Variants in DCLK1 observed in about 807,000 individuals in gnomAD.
DCLK1 encodes doublecortin like kinase 1, also known as serine/threonine-protein kinase DCLK1.
DCLK1 carries 16 observed loss-of-function variants against 86.2 expected under a neutral mutation model. The ratio of observed to expected loss-of-function variants is 0.19; its 90% confidence interval spans 0.13 to 0.28. The LOEUF (loss-of-function observed/expected upper bound fraction) is 0.28. Among genes scored for constraint, DCLK1 ranks in the 10% least tolerant of loss-of-function variants. The pLI is 1.00. For missense variants in DCLK1, 590 were observed against 940.2 expected, an observed-to-expected ratio of 0.63 and a Z score of 4.87; for synonymous variants, 369 against 370.5, an observed-to-expected ratio of 1.00 and a Z score of 0.05.
intron 4 of DCLK1, among the ~76,000 whole-genome samples, chr13:35,944,281 G>A (rs1216782253): frequency 5.3e-5 from 8 of 152,180 alleles, no homozygotes; most frequent in African/African-American, 1.7e-4. Flanking sequence ...TAAAAGTGCC[G>A]CCTTGTGGCA....
chr13:35,825,359 G>C (rs1249215661), intron 10 of DCLK1, among the ~76,000 whole-genome samples: 1 of 152,142 alleles, frequency 6.6e-6, no homozygotes, highest in African/African-American at 2.4e-5. Context: ...CAGCACAATT[G>C]AGGGTCCCAG....
intron 3 of DCLK1, among the ~76,000 whole-genome samples, chr13:36,013,711 G>A (rs1382432947): frequency 1.3e-5 from 2 of 152,086 alleles, no homozygotes; most frequent in Admixed American, 6.6e-5. Flanking sequence ...CAGAGGTGGA[G>A]CCTACAGAGG....
At chr13:36,117,372 G>C (rs1486389862) in intron 2 of DCLK1, among the ~76,000 whole-genome samples, 1 of 152,092 alleles carries the variant, frequency 6.6e-6, no homozygotes, top group Non-Finnish European at 1.5e-5. Context: ...AGTTAAAGCA[G>C]ATTTAAGATG....
At chr13:35,815,461 T>C (rs1335182836) in intron 11 of DCLK1, among the ~76,000 whole-genome samples, 1 of 152,172 alleles carries the variant, frequency 6.6e-6, no homozygotes, top group South Asian at 2.1e-4. Flanking sequence ...GTAACCCTGA[T>C]GAAACGTTGG....
intron 3 of DCLK1, among the ~76,000 whole-genome samples, chr13:35,960,848 C>T (rs907913017): frequency 2.0e-5 from 3 of 152,174 alleles, no homozygotes; most frequent in African/African-American, 7.2e-5. Flanking sequence ...TGACATGATT[C>T]TTTTTTTCTT....
intron 3 of DCLK1, among the ~76,000 whole-genome samples, chr13:36,080,747 G>A (rs1366903109): frequency 2.0e-5 from 3 of 152,130 alleles, no homozygotes; most frequent in African/African-American, 7.2e-5. Flanking sequence ...AACACACACG[G>A]CTTCTGCTTT....
intron 4 of DCLK1, among the ~76,000 whole-genome samples, chr13:35,910,406 TG>T (rs1874943920): frequency 6.6e-6 from 1 of 152,234 alleles, no homozygotes; most frequent in African/African-American, 2.4e-5. Context: ...TCCAATCTTT[TG>T]TTGGGTCAAT....
chr13:35,898,463 T>C (rs1474829474), intron 4 of DCLK1, among the ~76,000 whole-genome samples: 1 of 152,232 alleles, frequency 6.6e-6, no homozygotes, highest in Non-Finnish European at 1.5e-5. Context: ...GCAGTAAACA[T>C]TTCTTATACT....
chr13:36,064,928 G>T (rs1440623166), intron 3 of DCLK1, among the ~76,000 whole-genome samples: 2 of 152,042 alleles, frequency 1.3e-5, no homozygotes, highest in Admixed American at 6.6e-5. Context: ...ATAATGAAAG[G>T]CAATGGTACT....
At chr13:36,106,659 A>C (rs1443240652) in intron 3 of DCLK1, among the ~76,000 whole-genome samples, 3 of 152,202 alleles carry the variant, frequency 2.0e-5, no homozygotes, top group African/African-American at 7.2e-5. Flanking sequence ...GAACTGTCAC[A>C]GAAAAGTTCT....
At chr13:35,780,780 G>A (rs901649309) in intron 16 of DCLK1, among the ~76,000 whole-genome samples, 2 of 152,202 alleles carry the variant, frequency 1.3e-5, no homozygotes, top group African/African-American at 2.4e-5. Context: ...GCAGAGGAAC[G>A]GTAAAATAAT....
intron 4 of DCLK1, among the ~76,000 whole-genome samples, chr13:35,921,806 T>A (rs1370487818): frequency 6.6e-6 from 1 of 152,066 alleles, no homozygotes; most frequent in Non-Finnish European, 1.5e-5. Flanking sequence ...GGCTGATGAC[T>A]GTGGGAAGGG....
chr13:35,928,063 TA>T (rs777462973), intron 4 of DCLK1, among the ~76,000 whole-genome samples: 2 of 152,210 alleles, frequency 1.3e-5, no homozygotes, highest in Non-Finnish European at 2.9e-5. Flanking sequence ...AATGAAACTG[TA>T]ATCATAAAGA....
At chr13:35,888,701 AGAT>A (rs1421281633) in intron 4 of DCLK1, among the ~76,000 whole-genome samples, 1 of 152,260 alleles carries the variant, frequency 6.6e-6, no homozygotes, top group Non-Finnish European at 1.5e-5. Context: ...GCCTGAAATC[AGAT>A]GATACTCTAT....
At chr13:35,871,658 G>C (rs992703077) in intron 4 of DCLK1, among the ~76,000 whole-genome samples, 1 of 150,022 alleles carries the variant, frequency 6.7e-6, no homozygotes, top group Non-Finnish European at 1.5e-5. Flanking sequence ...CACTCCTTGA[G>C]TTATCTGTAT....
chr13:36,060,843 T>C (rs1053347061), intron 3 of DCLK1, among the ~76,000 whole-genome samples: 4 of 152,086 alleles, frequency 2.6e-5, no homozygotes, highest in African/African-American at 9.7e-5. Context: ...GGAAGACCCA[T>C]AGAGTATTTA....
At chr13:35,993,870 G>GCT (rs1195720615) in intron 3 of DCLK1, among the ~76,000 whole-genome samples, 1 of 151,194 alleles carries the variant, frequency 6.6e-6, no homozygotes, top group Non-Finnish European at 1.5e-5. Flanking sequence ...ATAAGTATCA[G>GCT]CCTTGAGGCT....
At chr13:35,933,994 A>G (rs1176042118) in intron 4 of DCLK1, among the ~76,000 whole-genome samples, 2 of 152,124 alleles carry the variant, frequency 1.3e-5, no homozygotes, top group Non-Finnish European at 2.9e-5. Context: ...TCACCTCTTG[A>G]ATGCTTTGAT....
rs73520125 is a variant in DCLK1, at chr13:35,990,692, C to T, written c.724-43235G>A. Among the ~76,000 whole-genome samples, 470 of 152,198 alleles carry T rather than the reference C, an allele frequency of 3.1e-3. 5 individuals carry two copies. The highest frequency in any genetic ancestry group is 0.011 in the African/African-American group (443 of 41,536). On this transcript the variant is annotated intron_variant, in intron 3 of 16. Transcript: ENST00000360631. ...TGTAGAGTTGTCTACACTCAGTGAACGCTCTAGATTAAGTCAGGGCAGATG... is the reference window on the plus strand; with the variant it reads ...TGTAGAGTTGTCTACACTCAGTGAATGCTCTAGATTAAGTCAGGGCAGATG...
Sources: allele counts gnomAD v4.1 joint callset (sites outside exome capture counted in the v4.1 genomes callset), GRCh38; gene constraint gnomAD v4.1.1; transcripts MANE v1.5; gene names NCBI Gene and HGNC (gene_info 2026-07-23, HGNC 2026-07-21).